TMEM65: variants seen among roughly 807,000 people sequenced by gnomAD.
The protein encoded by TMEM65 is transmembrane protein 65.
Under a neutral mutation model 25.4 loss-of-function variants are expected in TMEM65, and 22 were observed. That is an observed-to-expected ratio of 0.86 (90% CI 0.62 to 1.23). The LOEUF is 1.23. Ranked by LOEUF, TMEM65 falls within the 50% of genes most tolerant of loss-of-function variation. The probability of loss-of-function intolerance (pLI) is 0.00; values close to 1 mark genes in which losing one functional copy is unlikely to be tolerated. For missense variants in TMEM65, 262 were observed against 308.2 expected (o/e 0.85, Z 1.12); for synonymous variants, 132 against 126.2 (o/e 1.05, Z -0.31).
intron 3 of TMEM65, among the ~76,000 whole-genome samples, 200 bp downstream of exon 3, chr8:124,327,154 T>C (rs1388003639): frequency 6.6e-6 from 1 of 152,022 alleles, no homozygotes; most frequent in Non-Finnish European, 1.5e-5. Context: ...TTTGTCTAAA[T>C]GCTTTACCTA....
intron 1 of TMEM65, among the ~76,000 whole-genome samples, chr8:124,368,442 C>T (rs1296853681): frequency 6.6e-6 from 1 of 152,064 alleles, no homozygotes; most frequent in African/African-American, 2.4e-5. Flanking sequence ...CCCTTGTATT[C>T]ACACCTTCTG....
At chr8:124,349,818 T>C (rs1046698789) in intron 1 of TMEM65, among the ~76,000 whole-genome samples, 15 of 152,126 alleles carry the variant, frequency 9.9e-5, no homozygotes, top group Admixed American at 9.8e-4. Flanking sequence ...TCAGTTATCA[T>C]TCAGCAGCTC....
intron 1 of TMEM65, among the ~76,000 whole-genome samples, chr8:124,364,695 A>G (rs535679158): frequency 2.2e-4 from 33 of 152,332 alleles, no homozygotes; most frequent in African/African-American, 7.7e-4. Flanking sequence ...TCTTTTATCT[A>G]CAAGAACCTC....
intron 1 of TMEM65, among the ~76,000 whole-genome samples, chr8:124,345,232 T>A (rs1181401055): frequency 6.6e-6 from 1 of 152,188 alleles, no homozygotes; most frequent in Non-Finnish European, 1.5e-5. Flanking sequence ...CACCAACTTG[T>A]AAACAAAAGG....
chr8:124,351,800 G>A (rs931350470), intron 1 of TMEM65, among the ~76,000 whole-genome samples: 9 of 152,082 alleles, frequency 5.9e-5, no homozygotes, highest in Admixed American at 3.9e-4. Flanking sequence ...TATATCTGGA[G>A]TCTCTTAAAT....
intron 3 of TMEM65, among the ~76,000 whole-genome samples, chr8:124,325,003 G>A: frequency 6.6e-6 from 1 of 151,812 alleles, no homozygotes; most frequent in East Asian, 1.9e-4. Flanking sequence ...GTTATAAAAA[G>A]CAATCCAATA....
At chr8:124,351,747 C>A (rs1471953170) in intron 1 of TMEM65, among the ~76,000 whole-genome samples, 3 of 152,164 alleles carry the variant, frequency 2.0e-5, no homozygotes, top group Non-Finnish European at 4.4e-5. Context: ...TCACTTTCTT[C>A]ATTTATATCC....
At chr8:124,318,038 A>G (rs927510720) in intron 6 of TMEM65, among the ~76,000 whole-genome samples, 5 of 152,202 alleles carry the variant, frequency 3.3e-5, no homozygotes, top group Non-Finnish European at 5.9e-5. Flanking sequence ...ATGTTTTAAG[A>G]AAGTTTACCA....
rs1814195327 is a variant in TMEM65, at chr8:124,313,668, G to A, written c.*292C>T. ...AATAAGCAAACCCCAAGTCAATACA[G>A]TACATCAATGACACTTAAATAACAT... is the stretch of plus-strand genomic sequence containing the variant. On this transcript the variant is annotated 3_prime_UTR_variant, in exon 7 of 7. Transcript: ENST00000297632. 3.6e-6 allele frequency: 1 copy of A among 274,706 alleles called. No individual in the cohort carries two copies. Among genetic ancestry groups the A allele is most frequent in the East Asian group, 9.1e-5 (1 of 10,934 alleles). 17.0% of individuals were successfully genotyped at this position (274,706 alleles called of 1,614,324 possible). A position where few individuals can be genotyped will look rare whatever the true frequency, so the allele number is the denominator to read the frequency against.
chr8:124,370,623 T>G lies in TMEM65; in HGVS notation c.304+1231A>C, dbSNP rs962285202. ...TCATCCACTATAAATTGGTCCACAA[T>G]TTCCTGAACTGAGGGGGAAAACATC... On this transcript the variant is annotated intron_variant, in intron 1 of 6. Transcript: ENST00000297632. 3.9e-5 allele frequency among the ~76,000 whole-genome samples: 6 copies of G among 152,330 alleles called. No homozygotes were observed. The South Asian group carries it at 6.2e-4, about 16-fold the overall frequency.
intron 1 of TMEM65, among the ~76,000 whole-genome samples, chr8:124,350,804 A>G (rs1814697646): frequency 6.6e-6 from 1 of 151,924 alleles, no homozygotes; most frequent in African/African-American, 2.4e-5. Flanking sequence ...TTATTTCAAC[A>G]ATTTTTAAAT....
At chr8:124,330,462 T>G (rs1412973668) in intron 2 of TMEM65, among the ~76,000 whole-genome samples, 1 of 151,918 alleles carries the variant, frequency 6.6e-6, no homozygotes, top group African/African-American at 2.4e-5. Flanking sequence ...AATACATCCT[T>G]TTTCCTAGAA....
intron 3 of TMEM65, 65 bp from the exon 4 acceptor site, chr8:124,323,440 G>C: frequency 1.1e-6 from 1 of 896,854 alleles, no homozygotes; most frequent in Non-Finnish European, 1.7e-6. Context: ...GAATAGCAAA[G>C]CATTAATAAA....
In TMEM65 at chr8:124,372,677, C is replaced by CGCCGCT. The variant is rs113468330; in HGVS notation, c.-521_-520insAGCGGC. On this transcript the variant is annotated 5_prime_UTR_variant, in exon 1 of 7. Transcript: ENST00000297632. ...CCCGAGCCGCAGCCGCCGCCGCCGCCGCTACCCCTAGCGGCAGCAGAAGTG... is the reference window on the plus strand; with the variant it reads ...CCCGAGCCGCAGCCGCCGCCGCCGCCGCCGCTGCTACCCCTAGCGGCAGCAGAAGTG... 3.7e-5 allele frequency: 6 copies of CGCCGCT among 164,258 alleles called. No individual in the cohort carries two copies. Among genetic ancestry groups the CGCCGCT allele is most frequent in the Non-Finnish European group, 6.6e-5 (5 of 76,290 alleles). The allele number at this position is 164,258 out of a possible 1,614,324, so 10.2% of individuals were successfully genotyped here.
At chr8:124,349,380 C>A (rs1814678498) in intron 1 of TMEM65, among the ~76,000 whole-genome samples, 1 of 151,698 alleles carries the variant, frequency 6.6e-6, no homozygotes, top group African/African-American at 2.4e-5. Flanking sequence ...AGGAGAAAAT[C>A]AAATGATACA....
intron 1 of TMEM65, among the ~76,000 whole-genome samples, chr8:124,347,030 C>T (rs192056002): frequency 6.6e-6 from 1 of 152,072 alleles, no homozygotes; most frequent in East Asian, 1.9e-4. Context: ...AAAAGTCTAA[C>T]GTGCACCAAA....
At position 124,312,209 on chromosome 8, in the gene TMEM65, T is replaced by C. The variant is rs908050944; in HGVS notation, c.*1751A>G. The C allele has an allele frequency of 6.6e-6, 1 of 151,668 alleles. No homozygotes were observed. The highest frequency in any genetic ancestry group is 2.4e-5 in the African/African-American group (1 of 41,312). The allele number at this position is 151,668 out of a possible 1,614,324, so 9.4% of individuals were successfully genotyped here. The stretch of plus-strand genomic sequence containing the variant: ...TTGTGTGGTTATCTGTGTGTGGTTA[T>C]TATATGGAAGATACAAACCGAAATT... On this transcript the variant is annotated 3_prime_UTR_variant, in exon 7 of 7. Coordinates refer to ENST00000297632, the MANE Select transcript of TMEM65 (RefSeq NM_194291.3).
At chr8:124,349,335 A>ATT (rs33986478) in intron 1 of TMEM65, among the ~76,000 whole-genome samples, 10 of 151,558 alleles carry the variant, frequency 6.6e-5, no homozygotes, top group East Asian at 1.9e-4. Context: ...CTTCAGATAC[A>ATT]TTTTTTTTAA....
intron 1 of TMEM65, among the ~76,000 whole-genome samples, chr8:124,367,479 T>TA (rs1331646230): frequency 2.6e-5 from 4 of 151,452 alleles, no homozygotes; most frequent in African/African-American, 7.3e-5. Context: ...TCTCAAAAAA[T>TA]AAAAAAAATT....
Sources: allele counts gnomAD v4.1 joint callset (sites outside exome capture counted in the v4.1 genomes callset), GRCh38; gene constraint gnomAD v4.1.1; transcripts MANE v1.5; gene names NCBI Gene and HGNC (gene_info 2026-07-23, HGNC 2026-07-21).